CEBPZOS: variants seen among roughly 807,000 people sequenced by gnomAD.
CEBPZOS encodes the protein protein CEBPZOS.
In CEBPZOS, 10 loss-of-function variants were observed where a neutral mutation model predicts 4.8. The observed-to-expected ratio is 2.07, with a 90% CI of 1.28 to 3.52. The LOEUF is 3.52. Ranked by LOEUF, CEBPZOS falls within the 30% of genes most tolerant of loss-of-function variation. The probability of loss-of-function intolerance (pLI) is 0.00; values close to 1 mark genes in which losing one functional copy is unlikely to be tolerated. For synonymous variants in CEBPZOS, 25 were observed against 14.2 expected, an observed-to-expected ratio of 1.77 and a Z score of -1.72; for missense variants, 98 against 43.6, an observed-to-expected ratio of 2.25 and a Z score of -3.51.
At chr2:37,211,226 G>C (rs1340402418) in intron 4 of CEBPZOS, 1 of 522,730 alleles carries the variant, frequency 1.9e-6, no homozygotes, top group Non-Finnish European at 3.3e-6. Flanking sequence ...CACTAGCATA[G>C]GCTTGAGGAC....
chr2:37,201,732 T>C lies in CEBPZOS; in HGVS notation c.*2+6T>C, dbSNP rs987202949. The stretch of plus-strand genomic sequence containing the variant: ...TTGAACAGCAAAAATTAGATGTAAG[T>C]AGAATTTTAATCTATAATTTACATT... On this transcript the variant is annotated splice_donor_region_variant and intron_variant, in intron 4 of 4. Transcript: ENST00000402297. 5 of 1,222,112 alleles carry C rather than the reference T, an allele frequency of 4.1e-6. No homozygotes were observed. The highest frequency in any genetic ancestry group is 1.9e-4 in the Middle Eastern group (1 of 5,370). The allele number at this position is 1,222,112 out of a possible 1,614,324, so 75.7% of individuals were successfully genotyped here.
intron 1 of CEBPZOS, among the ~76,000 whole-genome samples, chr2:37,199,466 T>C (rs1677105587): frequency 6.6e-6 from 1 of 152,372 alleles, no homozygotes; most frequent in South Asian, 2.1e-4. Flanking sequence ...TTCTTGCATT[T>C]TCTCTCTTTC....
chr2:37,200,693 T>G (rs1677179436), intron 2 of CEBPZOS, among the ~76,000 whole-genome samples: 1 of 148,980 alleles, frequency 6.7e-6, no homozygotes, highest in Non-Finnish European at 1.5e-5. Context: ...CATGATGGTG[T>G]GCTCCTGTAG....
intron 4 of CEBPZOS, chr2:37,210,965 C>T: frequency 6.7e-7 from 1 of 1,489,030 alleles, no homozygotes; most frequent in Non-Finnish European, 9.2e-7. Context: ...CACATGGACA[C>T]TGCTTTTAAA....
At chr2:37,198,599 A>G (rs1396114981) in intron 1 of CEBPZOS, 1 of 152,254 alleles carries the variant, frequency 6.6e-6, no homozygotes, top group Non-Finnish European at 1.5e-5. Flanking sequence ...CTGAAAAACA[A>G]GTGGTTCTCC....
downstream of CEBPZOS, chr2:37,209,215 C>T (rs1677640480): frequency 1.3e-5 from 2 of 152,112 alleles, no homozygotes; most frequent in African/African-American, 4.8e-5. Flanking sequence ...AATGACCATA[C>T]TGCCAAAAGC....
At chr2:37,211,333 A>G (rs993240253) in intron 4 of CEBPZOS, 7 of 316,810 alleles carry the variant, frequency 2.2e-5, no homozygotes, top group Middle Eastern at 8.6e-4. Flanking sequence ...CAAATAATAT[A>G]AAACCCCTTA....
At chr2:37,214,643 G>A (rs948337017), downstream of CEBPZOS, among the ~76,000 whole-genome samples, 10 of 151,946 alleles carry the variant, frequency 6.6e-5, no homozygotes, top group South Asian at 2.1e-4. Context: ...GCAAAATGAC[G>A]GATTTGTAAA....
At chr2:37,198,329 T>C (rs1173154314) in intron 1 of CEBPZOS, among the ~76,000 whole-genome samples, 1 of 152,186 alleles carries the variant, frequency 6.6e-6, no homozygotes, top group East Asian at 1.9e-4. Flanking sequence ...ATTTCTTTGC[T>C]TCATTTCTTT....
intron 4 of CEBPZOS, chr2:37,212,043 G>GA: frequency 3.2e-6 from 5 of 1,572,768 alleles, no homozygotes; most frequent in Non-Finnish European, 4.3e-6. Context: ...CACGTTTCTG[G>GA]AAAAAAACAC....
intron 2 of CEBPZOS, among the ~76,000 whole-genome samples, chr2:37,200,042 A>G (rs765818737): frequency 6.6e-6 from 1 of 152,192 alleles, no homozygotes; most frequent in Non-Finnish European, 1.5e-5. Flanking sequence ...AAAAAATTTC[A>G]TACCTCCATG....
intron 4 of CEBPZOS, chr2:37,212,709 C>T (rs1216235038): frequency 6.2e-6 from 2 of 322,828 alleles, no homozygotes; most frequent in East Asian, 6.7e-5. Context: ...ATTAGAACTA[C>T]TTAAGTGCTC....
At chr2:37,207,896 C>T (rs1040789785), downstream of CEBPZOS, among the ~76,000 whole-genome samples, 1 of 151,824 alleles carries the variant, frequency 6.6e-6, no homozygotes, top group African/African-American at 2.4e-5. Context: ...ATCGGTAGAC[C>T]ATTAGCAAGA....
rs147359813 is a variant in CEBPZOS, at chr2:37,212,347, A to G, written c.*3-1090A>G. On this transcript the variant is annotated intron_variant, in intron 4 of 4. Transcript: ENST00000397064. ...AGAAGTATGTTACCCAGCAAAATCC[A>G]TATCATCCTTTCCAGAGCTGAAACA... The G allele has an allele frequency of 3.0e-5, 48 of 1,613,442 alleles. No individual in the cohort carries two copies. The highest frequency in any genetic ancestry group is 1.3e-4 in the African/African-American group (10 of 74,918).
chr2:37,205,776 T>C (rs1035039966), downstream of CEBPZOS, among the ~76,000 whole-genome samples: 1 of 152,244 alleles, frequency 6.6e-6, no homozygotes, highest in South Asian at 2.1e-4. Context: ...ATCTTAAGAC[T>C]GTCACCTGAT....
At chr2:37,212,979 C>T (rs770319682) in intron 4 of CEBPZOS, among the ~76,000 whole-genome samples, 2 of 151,668 alleles carry the variant, frequency 1.3e-5, no homozygotes, top group Admixed American at 6.6e-5. Flanking sequence ...GTCTAGGCTG[C>T]AGGGCTGCAG....
At chr2:37,215,058 G>C (rs1430262867), downstream of CEBPZOS, 5 of 753,512 alleles carry the variant, frequency 6.6e-6, no homozygotes, top group African/African-American at 8.8e-5. Context: ...AAAAATCTCA[G>C]AATTGTGTGG....
At chr2:37,198,489 C>T (rs1236989232) in intron 1 of CEBPZOS, 1 of 152,124 alleles carries the variant, frequency 6.6e-6, no homozygotes, top group African/African-American at 2.4e-5. Context: ...TACACCCACC[C>T]TCAGGCATTG....
downstream of CEBPZOS, among the ~76,000 whole-genome samples, chr2:37,206,156 A>G (rs1212735419): frequency 6.6e-6 from 1 of 152,172 alleles, no homozygotes; most frequent in Non-Finnish European, 1.5e-5. Flanking sequence ...TGTGCTGAGG[A>G]GGAAAATGGC....
Sources: gnomAD v4.1 joint callset for allele counts (sites outside exome capture counted in the v4.1 genomes callset) on GRCh38, gnomAD v4.1.1 for gene constraint, MANE v1.5 for transcripts, NCBI Gene and HGNC (gene_info 2026-07-23, HGNC 2026-07-21) for gene names.